KSR2: variants seen among roughly 807,000 people sequenced by gnomAD.
KSR2 encodes the protein kinase suppressor of ras 2.
KSR2 carries 25 observed loss-of-function variants against 107.8 expected under a neutral mutation model. That is an observed-to-expected ratio of 0.23 (90% confidence interval 0.17 to 0.32). The LOEUF is 0.32. Among genes scored for constraint, KSR2 ranks in the 10% least tolerant of loss-of-function variants. The pLI is 1.00. For missense variants in KSR2, 887 were observed against 1,268.9 expected (o/e 0.70, Z 4.57); for synonymous variants, 480 against 507.0 (o/e 0.95, Z 0.71).
At chr12:117,580,668 A>AC (rs1879594397) in intron 6 of KSR2, among the ~76,000 whole-genome samples, 3 of 152,264 alleles carry the variant, frequency 2.0e-5, no homozygotes, top group African/African-American at 7.2e-5. Flanking sequence ...GTAGCAGGTC[A>AC]TCCCAAGTCT....
intron 3 of KSR2, among the ~76,000 whole-genome samples, chr12:117,788,608 T>C (rs1890157003): frequency 6.6e-6 from 1 of 152,174 alleles, no homozygotes; most frequent in Non-Finnish European, 1.5e-5. Flanking sequence ...TTTAAGCATT[T>C]CTCCTGCCTC....
At chr12:117,738,386 G>A (rs987156219) in intron 4 of KSR2, among the ~76,000 whole-genome samples, 10 of 152,182 alleles carry the variant, frequency 6.6e-5, no homozygotes, top group South Asian at 4.1e-4. Flanking sequence ...ATCATAGAGT[G>A]TACTGACACA....
chr12:117,605,608 C>T (rs1881184425), intron 5 of KSR2, among the ~76,000 whole-genome samples: 1 of 152,122 alleles, frequency 6.6e-6, no homozygotes, highest in Non-Finnish European at 1.5e-5. Flanking sequence ...CATGACCCAG[C>T]AATCCCATTA....
chr12:117,683,732 C>T (rs1260560798), intron 4 of KSR2, among the ~76,000 whole-genome samples: 1 of 152,172 alleles, frequency 6.6e-6, no homozygotes, highest in Non-Finnish European at 1.5e-5. Flanking sequence ...CTAAGACACA[C>T]TTCAGGTCTA....
intron 7 of KSR2, among the ~76,000 whole-genome samples, chr12:117,567,435 C>T (rs7298912): frequency 6.6e-6 from 1 of 150,648 alleles, no homozygotes; most frequent in African/African-American, 2.5e-5. Context: ...GCAAACATGG[C>T]GCGCGGTCTC....
chr12:117,761,258 A>T lies in KSR2; in HGVS notation c.739T>A (p.Ser247Thr). 6.5e-7 allele frequency: 1 copy of T among 1,535,144 alleles called. No homozygotes were observed. The highest frequency in any genetic ancestry group is 2.3e-5 in the East Asian group (1 of 44,046). The change falls in exon 4 of 20, where the codon TCC (serine) becomes ACC (threonine). Residue 247 changes from serine to threonine, a missense_variant. By Grantham distance (58) the Ser-to-Thr change is moderately conservative. Coordinates refer to ENST00000339824, the MANE Select transcript of KSR2 (RefSeq NM_173598.6). The stretch of plus-strand genomic sequence containing the variant: ...CGCTGCCGGGGCGATGGGGGCAGGG[A>T]ACGGTGGCCCGACTCCAGTGGCGGG... ...PPPPLESGHR[S>T]LPPSPRQRHA...
chr12:117,688,455 T>TG (rs1228097339), intron 4 of KSR2, among the ~76,000 whole-genome samples: 3 of 152,218 alleles, frequency 2.0e-5, no homozygotes. Flanking sequence ...TCAAGTCCTT[T>TG]GGGGTGGGGC....
intron 5 of KSR2, among the ~76,000 whole-genome samples, chr12:117,610,738 CAAA>C (rs35825253): frequency 4.5e-5 from 5 of 110,866 alleles, no homozygotes; most frequent in Non-Finnish European, 3.5e-5. Context: ...GACCCTGTCT[CAAA>C]AAAAAAAAAA....
intron 14 of KSR2, among the ~76,000 whole-genome samples, chr12:117,492,890 C>T (rs1331903849): frequency 6.6e-6 from 1 of 152,064 alleles, no homozygotes; most frequent in East Asian, 1.9e-4. Flanking sequence ...TGCAGGCAGC[C>T]TCTAAAAAGC....
chr12:117,496,220 A>T (rs1428548758), intron 14 of KSR2, among the ~76,000 whole-genome samples: 1 of 152,148 alleles, frequency 6.6e-6, no homozygotes, highest in African/African-American at 2.4e-5. Flanking sequence ...TCTAGGCTTC[A>T]TAGGGAGGGA....
intron 1 of KSR2, among the ~76,000 whole-genome samples, chr12:117,908,188 T>C (rs1189715421): frequency 1.3e-5 from 2 of 151,970 alleles, no homozygotes; most frequent in Non-Finnish European, 2.9e-5. Context: ...ATATCTCATA[T>C]ATCCATTTAC....
intron 9 of KSR2, 70 bp from the exon 10 acceptor site, chr12:117,539,957 T>C (rs2137284691): frequency 7.3e-7 from 1 of 1,372,456 alleles, no homozygotes; most frequent in South Asian, 1.3e-5. Context: ...AAGAGTGGGC[T>C]GAGCAGGAGA....
intron 4 of KSR2, among the ~76,000 whole-genome samples, chr12:117,716,198 A>G (rs1593162091): frequency 6.6e-6 from 1 of 152,204 alleles, no homozygotes; most frequent in South Asian, 2.1e-4. Context: ...CAGAAATCAA[A>G]TCTTTCTCAT....
At chr12:117,786,553 C>T (rs1282580886) in intron 3 of KSR2, among the ~76,000 whole-genome samples, 2 of 152,068 alleles carry the variant, frequency 1.3e-5, no homozygotes, top group Non-Finnish European at 2.9e-5. Flanking sequence ...TGATGGCTCA[C>T]GGCTGTAATC....
chr12:117,774,264 A>T (rs954125574), intron 3 of KSR2, among the ~76,000 whole-genome samples: 1 of 152,204 alleles, frequency 6.6e-6, no homozygotes, highest in African/African-American at 2.4e-5. Flanking sequence ...ATCCAGGAAA[A>T]TTTTTTGAGT....
intron 1 of KSR2, among the ~76,000 whole-genome samples, chr12:117,936,860 A>C (rs1895864450): frequency 6.6e-6 from 1 of 152,200 alleles, no homozygotes; most frequent in African/African-American, 2.4e-5. Flanking sequence ...CTGGGAAACC[A>C]TAAGCTGGGA....
At chr12:117,516,608 C>G (rs11068525) in intron 14 of KSR2, among the ~76,000 whole-genome samples, 3,923 of 152,164 alleles carry the variant, frequency 0.026, 111 homozygotes, top group East Asian at 0.095. Flanking sequence ...AGGCACTATG[C>G]TATAGTCTTT....
intron 1 of KSR2, among the ~76,000 whole-genome samples, chr12:117,943,652 A>G (rs1162835075): frequency 6.6e-6 from 1 of 152,202 alleles, no homozygotes; most frequent in African/African-American, 2.4e-5. Context: ...TAAAAAAATG[A>G]AGTACTAATA....
At chr12:117,724,312 CAAAAAA>C (rs57095721) in intron 4 of KSR2, among the ~76,000 whole-genome samples, 2 of 111,930 alleles carry the variant, frequency 1.8e-5, no homozygotes, top group Admixed American at 1.8e-4. Context: ...CACCCTGTCT[CAAAAAA>C]AAAAAAAAAA....
Sources: gnomAD v4.1 joint callset for allele counts (sites outside exome capture counted in the v4.1 genomes callset) on GRCh38, gnomAD v4.1.1 for gene constraint, MANE v1.5 for transcripts, NCBI Gene and HGNC (gene_info 2026-07-23, HGNC 2026-07-21) for gene names.